The following ATP9B variants were observed in gnomAD, a reference collection of about 807,000 sequenced individuals.
ATP9B encodes probable phospholipid-transporting ATPase IIB.
In ATP9B, 110 loss-of-function variants were observed where a neutral mutation model predicts 146.1. The ratio of observed to expected loss-of-function variants is 0.75; its 90% CI spans 0.65 to 0.88. ATP9B has a LOEUF of 0.88. ATP9B is among the 40% of genes least tolerant of loss of function. ATP9B has a pLI of 0.00. For missense variants in ATP9B, 1,499 were observed against 1,496.4 expected (o/e 1.00, Z -0.03); for synonymous variants, 604 against 569.7 (o/e 1.06, Z -0.86).
intron 1 of ATP9B, among the ~76,000 whole-genome samples, chr18:79,075,081 G>GT (rs35645442): frequency 0.056 from 8,130 of 145,860 alleles, 547 homozygotes; most frequent in African/African-American, 0.16. Context: ...TCTTTTTAGA[G>GT]TTTTTTTTTT....
At chr18:79,071,844 T>C (rs1170531851) in intron 1 of ATP9B, among the ~76,000 whole-genome samples, 3 of 151,978 alleles carry the variant, frequency 2.0e-5, no homozygotes, top group Admixed American at 6.5e-5. Context: ...AGTTTAATTA[T>C]GATGTGTCTT....
intron 2 of ATP9B, among the ~76,000 whole-genome samples, chr18:79,097,123 A>G (rs1599511540): frequency 6.6e-6 from 1 of 150,480 alleles, no homozygotes; most frequent in Admixed American, 6.7e-5. Flanking sequence ...GAGCCACTGC[A>G]CTCCATCCTG....
chr18:79,332,226 G>C lies in ATP9B; in HGVS notation c.2028+2122G>C, dbSNP rs1176240051. The stretch of plus-strand genomic sequence containing the variant: ...GGGCAGATCACGAGGTCAGGAGATT[G>C]AGACCCTCCTGGCTAACACGGTGAA... On this transcript the variant is annotated intron_variant, in intron 17 of 29. Coordinates refer to ENST00000426216, the MANE Select transcript of ATP9B (RefSeq NM_198531.5). 4.1e-4 allele frequency among the ~76,000 whole-genome samples: 62 copies of C among 152,310 alleles called. 1 individual carries two copies. In the East Asian group the frequency reaches 6.2e-3, roughly 15 times the overall value.
chr18:79,187,395 G>C (rs911192025), intron 8 of ATP9B, among the ~76,000 whole-genome samples: 2 of 152,172 alleles, frequency 1.3e-5, no homozygotes, highest in Non-Finnish European at 2.9e-5. Context: ...GGAAGGAAAG[G>C]CCTGGTGAGT....
In ATP9B at chr18:79,359,336, C is replaced by T. The variant is rs2096973300; in HGVS notation, c.2904-18C>T. 2 of 1,583,320 alleles carry T rather than the reference C, an allele frequency of 1.3e-6. No homozygotes were observed. The highest frequency in any genetic ancestry group is 1.7e-6 in the Non-Finnish European group (2 of 1,152,786). On this transcript the variant is annotated intron_variant, in intron 25 of 29. Coordinates refer to ENST00000426216, the MANE Select transcript of ATP9B (RefSeq NM_198531.5). Reference sequence around the variant, plus strand: ...AGAAGTTTCTCACGCCCATTGCACTCCGCTCTTGGTCTTGCAGGTATGCCA... The same window carrying T: ...AGAAGTTTCTCACGCCCATTGCACTTCGCTCTTGGTCTTGCAGGTATGCCA...
At chr18:79,134,059 T>A (rs561706615) in intron 5 of ATP9B, among the ~76,000 whole-genome samples, 2 of 152,318 alleles carry the variant, frequency 1.3e-5, no homozygotes, top group South Asian at 4.1e-4. Flanking sequence ...AACCCTTGAG[T>A]CGCATGTGAC....
chr18:79,097,137 A>G (rs2074855142), intron 2 of ATP9B, among the ~76,000 whole-genome samples: 1 of 151,390 alleles, frequency 6.6e-6, no homozygotes, highest in Non-Finnish European at 1.5e-5. Context: ...CATCCTGGGC[A>G]ATGGAGTAAG....
At chr18:79,125,164 G>A (rs531991251) in intron 4 of ATP9B, among the ~76,000 whole-genome samples, 5 of 152,290 alleles carry the variant, frequency 3.3e-5, no homozygotes, top group Admixed American at 3.3e-4. Flanking sequence ...ATGGTGCAGA[G>A]TGCAGACTAA....
rs577190296 is a variant in ATP9B, at chr18:79,206,827, T to C, written c.955-110T>C. The stretch of plus-strand genomic sequence containing the variant: ...CTGTTTTGCAGTGCCTTTGCACTGC[T>C]GTTCACTTGGATTGAGCTTGTGGAC... On this transcript the variant is annotated intron_variant, in intron 9 of 29. Coordinates refer to ENST00000426216, the MANE Select transcript of ATP9B (RefSeq NM_198531.5). The C allele has an allele frequency of 6.3e-6, 6 of 957,358 alleles. No individual in the cohort carries two copies. The South Asian group carries it at 7.9e-5, about 13-fold the overall frequency. 59.3% of individuals were successfully genotyped at this position (957,358 alleles called of 1,614,324 possible).
chr18:79,278,338 G>A (rs1375663775), intron 13 of ATP9B, among the ~76,000 whole-genome samples: 6 of 152,154 alleles, frequency 3.9e-5, no homozygotes, highest in South Asian at 2.1e-4. Context: ...AGCTTCACTC[G>A]GGACTGTACT....
chr18:79,355,380 G>A (rs1252988229), intron 25 of ATP9B, among the ~76,000 whole-genome samples: 1 of 152,166 alleles, frequency 6.6e-6, no homozygotes, highest in East Asian at 1.9e-4. Context: ...GGGAGCAAAT[G>A]GCAAAATAGA....
At chr18:79,148,460 C>G (rs925639169) in intron 6 of ATP9B, among the ~76,000 whole-genome samples, 1 of 152,152 alleles carries the variant, frequency 6.6e-6, no homozygotes, top group Admixed American at 6.5e-5. Flanking sequence ...TAAAATCAAG[C>G]AGTGTAATCT....
At chr18:79,092,742 C>T (rs1347058724) in intron 1 of ATP9B, among the ~76,000 whole-genome samples, 2 of 151,040 alleles carry the variant, frequency 1.3e-5, no homozygotes, top group South Asian at 2.1e-4. Flanking sequence ...CTTCCACCTC[C>T]GCATTATGTC....
At chr18:79,374,867 G>A (rs1380421853) in intron 28 of ATP9B, among the ~76,000 whole-genome samples, 3 of 152,194 alleles carry the variant, frequency 2.0e-5, no homozygotes, top group African/African-American at 4.8e-5. Flanking sequence ...TCAAGGACAC[G>A]TGAACACACT....
chr18:79,192,110 A>G (rs1164777742), intron 8 of ATP9B, among the ~76,000 whole-genome samples: 2 of 152,134 alleles, frequency 1.3e-5, no homozygotes, highest in African/African-American at 4.8e-5. Flanking sequence ...ATGAGATCAT[A>G]CACAGATTCG....
chr18:79,115,520 A>G (rs1599659984), intron 4 of ATP9B: 1 of 134,124 alleles, frequency 7.5e-6, no homozygotes, highest in African/African-American at 3.2e-5. Flanking sequence ...ACTTCAAACT[A>G]TACTACAAGG....
intron 25 of ATP9B, among the ~76,000 whole-genome samples, chr18:79,350,981 G>T (rs1439409516): frequency 1.3e-5 from 2 of 152,052 alleles, no homozygotes; most frequent in African/African-American, 4.8e-5. Context: ...ATGTTGACCA[G>T]GGTGGTCTCG....
intron 21 of ATP9B, among the ~76,000 whole-genome samples, chr18:79,345,107 G>A (rs182052990): frequency 6.6e-6 from 1 of 152,290 alleles, no homozygotes; most frequent in East Asian, 1.9e-4. Flanking sequence ...AGTCACTAAG[G>A]CAGCTTGGAT....
intron 2 of ATP9B, among the ~76,000 whole-genome samples, chr18:79,099,582 T>C (rs779375280): frequency 2.8e-4 from 43 of 152,170 alleles, no homozygotes; most frequent in Non-Finnish European, 5.9e-4. Flanking sequence ...TTTATAACTA[T>C]GTTGCTTGAT....
Sources: gnomAD v4.1 joint callset for allele counts (sites outside exome capture counted in the v4.1 genomes callset) on GRCh38, gnomAD v4.1.1 for gene constraint, MANE v1.5 for transcripts, NCBI Gene and HGNC (gene_info 2026-07-23, HGNC 2026-07-21) for gene names.